PALLD: variants seen among roughly 807,000 people sequenced by gnomAD.
The protein encoded by PALLD is palladin, cytoskeletal associated protein.
Under a neutral mutation model 123.5 loss-of-function variants are expected in PALLD, and 61 were observed. The observed-to-expected ratio is 0.49, with a 90% CI of 0.40 to 0.61. PALLD has a LOEUF of 0.61. Ranked by LOEUF, PALLD falls within the 20% of genes least tolerant of loss-of-function variation. The probability of loss-of-function intolerance (pLI) is 0.00; values close to 1 mark genes in which losing one functional copy is unlikely to be tolerated. For synonymous variants in PALLD, 465 were observed against 496.4 expected (o/e 0.94, Z 0.84); for missense variants, 1,273 against 1,377.0 (o/e 0.92, Z 1.20).
In PALLD at chr4:168,832,161, G is replaced by T. The variant is rs546868594; in HGVS notation, c.1965-58761G>T. 2.1e-4 allele frequency: 204 copies of T among 985,522 alleles called. No individual in the cohort carries two copies. The Admixed American group carries it at 2.3e-3, about 11-fold the overall frequency. The allele number at this position is 985,522 out of a possible 1,614,324, so 61.0% of individuals were successfully genotyped here. A position where few individuals can be genotyped will look rare whatever the true frequency, so the allele number is the denominator to read the frequency against. On this transcript the variant is annotated intron_variant, in intron 10 of 21. Coordinates refer to ENST00000505667, the MANE Select transcript of PALLD (RefSeq NM_001166108.2). Reference sequence around the variant, plus strand: ...ATCGGGCAGCAGCGGGAGGCGGCCCGGAGAGCCGAGGTAGGCGCGGGGAAT... The same window carrying T: ...ATCGGGCAGCAGCGGGAGGCGGCCCTGAGAGCCGAGGTAGGCGCGGGGAAT...
chr4:168,857,358 C>T (rs1317289132), intron 10 of PALLD, among the ~76,000 whole-genome samples: 1 of 152,092 alleles, frequency 6.6e-6, no homozygotes, highest in Non-Finnish European at 1.5e-5. Context: ...GCTTCATGAA[C>T]CCCATTGTAG....
chr4:168,670,381 CA>C (rs1171782207), intron 3 of PALLD, among the ~76,000 whole-genome samples: 5 of 152,214 alleles, frequency 3.3e-5, no homozygotes, highest in Non-Finnish European at 5.9e-5. Flanking sequence ...GGTTAAGAGA[CA>C]ATTCCTGATA....
chr4:168,746,990 G>A (rs757889033), intron 10 of PALLD, among the ~76,000 whole-genome samples: 16 of 152,198 alleles, frequency 1.1e-4, no homozygotes, highest in South Asian at 2.1e-4. Context: ...GAAAGACAGC[G>A]ATAAAGTACC....
chr4:168,693,623 C>G (rs183672423), intron 8 of PALLD, among the ~76,000 whole-genome samples: 1 of 152,252 alleles, frequency 6.6e-6, no homozygotes, highest in East Asian at 1.9e-4. Context: ...ACAATAATAG[C>G]ATTTTCTGAA....
At chr4:168,775,782 G>C (rs1182861361) in intron 10 of PALLD, among the ~76,000 whole-genome samples, 1 of 152,050 alleles carries the variant, frequency 6.6e-6, no homozygotes, top group Non-Finnish European at 1.5e-5. Context: ...AGCACCATTT[G>C]TTGAAAAGAC....
intron 2 of PALLD, among the ~76,000 whole-genome samples, chr4:168,513,796 C>T (rs904692663): frequency 3.3e-5 from 5 of 152,198 alleles, no homozygotes; most frequent in African/African-American, 9.6e-5. Context: ...ACCTAAATTA[C>T]ATAAATATTT....
intron 2 of PALLD, among the ~76,000 whole-genome samples, chr4:168,545,871 G>A (rs1766091986): frequency 6.6e-6 from 1 of 152,158 alleles, no homozygotes; most frequent in African/African-American, 2.4e-5. Flanking sequence ...TGATGGGAAA[G>A]GTGGAATGAT....
chr4:168,517,647 A>C (rs1331462652), intron 2 of PALLD, among the ~76,000 whole-genome samples: 1 of 152,198 alleles, frequency 6.6e-6, no homozygotes, highest in Non-Finnish European at 1.5e-5. Flanking sequence ...ACTAAGGGTA[A>C]GAAAATATGG....
At position 168,552,832 on chromosome 4, in the gene PALLD, T is replaced by C. The variant is rs574509457; in HGVS notation, c.908+40420T>C. Reference sequence around the variant, plus strand: ...CTGAGACTACAGGCGCGTGCCACCATGACCGGCTAATTTTTTAATTTTTAA... The same window carrying C: ...CTGAGACTACAGGCGCGTGCCACCACGACCGGCTAATTTTTTAATTTTTAA... On this transcript the variant is annotated intron_variant, in intron 2 of 21. Coordinates refer to ENST00000505667, the MANE Select transcript of PALLD (RefSeq NM_001166108.2). 3.3e-5 allele frequency among the ~76,000 whole-genome samples: 5 copies of C among 152,084 alleles called. No individual in the cohort carries two copies. In the South Asian group the frequency reaches 6.2e-4, roughly 19 times the overall value.
intron 15 of PALLD, among the ~76,000 whole-genome samples, chr4:168,909,289 T>C (rs1281303993): frequency 6.6e-6 from 1 of 152,204 alleles, no homozygotes; most frequent in Non-Finnish European, 1.5e-5. Flanking sequence ...GCATTATGTA[T>C]ACAAGTGGCA....
chr4:168,668,414 T>C (rs763762883), intron 3 of PALLD, 46 bp downstream of exon 3: 2 of 1,468,658 alleles, frequency 1.4e-6, no homozygotes, highest in South Asian at 2.6e-5. Flanking sequence ...GTGTCAATGG[T>C]CTAATGACTC....
At chr4:168,858,241 C>T (rs534618555) in intron 10 of PALLD, among the ~76,000 whole-genome samples, 72 of 152,284 alleles carry the variant, frequency 4.7e-4, no homozygotes, top group African/African-American at 1.6e-3. Context: ...TATATTTAGC[C>T]ACACAAAGTT....
At chr4:168,873,802 C>T (rs1270927820) in intron 10 of PALLD, among the ~76,000 whole-genome samples, 1 of 152,168 alleles carries the variant, frequency 6.6e-6, no homozygotes, top group Non-Finnish European at 1.5e-5. Flanking sequence ...ATGGGGATAA[C>T]CATCCCTGCC....
At chr4:168,878,137 C>A (rs1361188079) in intron 10 of PALLD, 2 of 1,486,164 alleles carry the variant, frequency 1.3e-6, no homozygotes, top group Non-Finnish European at 1.8e-6. Context: ...CCCCGTGGGG[C>A]TCCTCCTCGC....
chr4:168,758,945 C>A lies in PALLD; in HGVS notation c.1964+47022C>A, dbSNP rs185875121. Among the ~76,000 whole-genome samples the A allele has an allele frequency of 4.9e-3, 747 of 151,462 alleles. 11 individuals are homozygous for A. The highest frequency in any genetic ancestry group is 0.017 in the African/African-American group (701 of 41,306). On this transcript the variant is annotated intron_variant, in intron 10 of 21. Transcript: ENST00000505667. ...ATCCCAGCACTTTGGGAGGCCAAGG[C>A]GGATGGATCACCTGAGGTCAGGAGT...
At chr4:168,797,322 G>A (rs1423722619) in intron 10 of PALLD, among the ~76,000 whole-genome samples, 1 of 151,890 alleles carries the variant, frequency 6.6e-6, no homozygotes, top group Non-Finnish European at 1.5e-5. Flanking sequence ...CAAATACTAT[G>A]TAGCAATATT....
chr4:168,556,884 T>C (rs1767366278), intron 2 of PALLD, among the ~76,000 whole-genome samples: 3 of 152,212 alleles, frequency 2.0e-5, no homozygotes, highest in Admixed American at 6.5e-5. Context: ...AAGAAGTGGC[T>C]ACTTCTGCCT....
rs5863956 is a variant in PALLD, at chr4:168,767,542, ATTT to A, written c.1964+55637_1964+55639del. On this transcript the variant is annotated intron_variant, in intron 10 of 21. Transcript: ENST00000505667. ...GAGGTTTATTTACTCCCTGTCTCTG[ATTT>A]TTTTTTTTTTTTTTTTTCCGAGACA... is the stretch of plus-strand genomic sequence containing the variant. Among the ~76,000 whole-genome samples, 51 of 125,678 alleles carry A rather than the reference ATTT, an allele frequency of 4.1e-4. No homozygotes were observed. The East Asian group carries it at 4.7e-3, about 12-fold the overall frequency. The allele number at this position is 125,678 out of a possible 152,430, so 82.4% of individuals were successfully genotyped here.
intron 14 of PALLD, among the ~76,000 whole-genome samples, chr4:168,899,397 T>TA (rs980328954): frequency 4.0e-5 from 6 of 150,988 alleles, no homozygotes; most frequent in South Asian, 2.1e-4. Flanking sequence ...GTGAAAAGAA[T>TA]AAAAAAAAGG....
Sources: allele counts gnomAD v4.1 joint callset (sites outside exome capture counted in the v4.1 genomes callset), GRCh38; gene constraint gnomAD v4.1.1; transcripts MANE v1.5; gene names NCBI Gene and HGNC (gene_info 2026-07-23, HGNC 2026-07-21).